The following MRO variants were observed in gnomAD, a reference collection of about 807,000 sequenced individuals.
MRO encodes protein maestro.
MRO carries 28 observed loss-of-function variants against 31.0 expected under a neutral mutation model. That is an observed-to-expected ratio of 0.90 (90% confidence interval 0.67 to 1.24). MRO has a LOEUF of 1.24. Ranked by LOEUF, MRO falls within the 50% of genes most tolerant of loss-of-function variation. MRO has a pLI of 0.00. For missense variants in MRO, 332 were observed against 289.2 expected (o/e 1.15, Z -1.07); for synonymous variants, 108 against 108.4 (o/e 1.00, Z 0.02).
chr18:50,821,942 T>C (rs1350162442), upstream of MRO, among the ~76,000 whole-genome samples: 1 of 152,098 alleles, frequency 6.6e-6, no homozygotes, highest in Non-Finnish European at 1.5e-5. Flanking sequence ...CAGCACAAAC[T>C]TGGGAAGCAT....
Position 50,801,509 on chromosome 18 carries a change from G to A in MRO, c.430-5C>T, listed in dbSNP as rs751586029. On this transcript the variant is annotated splice_polypyrimidine_tract_variant and splice_region_variant and intron_variant, in intron 5 of 7. Transcript: ENST00000398439. ...GTATCTCAGACTGTCGTTCTCCTGC[G>A]GTCCCCATCAACAAAACAATAAGAA... 1.6e-5 allele frequency: 26 copies of A among 1,579,794 alleles called. No homozygotes were observed. The Admixed American group carries it at 1.9e-4, about 11-fold the overall frequency.
chr18:50,814,161 G>C (rs1914697584), intron 2 of MRO, among the ~76,000 whole-genome samples: 3 of 151,982 alleles, frequency 2.0e-5, no homozygotes. Flanking sequence ...GAGACTAAAA[G>C]ACGTAAAACT....
At chr18:50,820,144 G>A, upstream of MRO, 4 of 615,274 alleles carry the variant, frequency 6.5e-6, no homozygotes, top group Non-Finnish European at 1.2e-5. Context: ...CGCCGTGGCT[G>A]CCTCCTTCCT....
chr18:50,798,462 CT>C lies in MRO; in HGVS notation c.*874del, dbSNP rs1199167088. The stretch of plus-strand genomic sequence containing the variant: ...GGATGGCATGATTATTGAGTATGGG[CT>C]CAAGAAGTCAGACCGTACATGTTTG... On this transcript the variant is annotated 3_prime_UTR_variant, in exon 8 of 8. Coordinates refer to ENST00000398439, the MANE Select transcript of MRO (RefSeq NM_031939.6). The C allele has an allele frequency of 6.6e-6, 1 of 152,136 alleles. No homozygotes were observed. Among genetic ancestry groups the C allele is most frequent in the Non-Finnish European group, 1.5e-5 (1 of 68,022 alleles). The allele number at this position is 152,136 out of a possible 1,614,324, so 9.4% of individuals were successfully genotyped here.
intron 2 of MRO, among the ~76,000 whole-genome samples, chr18:50,817,586 A>G (rs1178967176): frequency 6.6e-6 from 1 of 152,176 alleles, no homozygotes; most frequent in Non-Finnish European, 1.5e-5. Flanking sequence ...GGGCCTGAGC[A>G]TTGCACTTTT....
upstream of MRO, among the ~76,000 whole-genome samples, chr18:50,823,001 G>C (rs1360418087): frequency 6.6e-6 from 1 of 152,086 alleles, no homozygotes; most frequent in African/African-American, 2.4e-5. Context: ...ATGAGTCAAA[G>C]GGCAGTCACT....
intron 5 of MRO, among the ~76,000 whole-genome samples, chr18:50,802,909 T>TGTGTGTA (rs1398787219): frequency 8.3e-6 from 1 of 120,652 alleles, no homozygotes; most frequent in South Asian, 2.8e-4. Flanking sequence ...TGTGTATGTG[T>TGTGTGTA]GTGTGTAGTG....
chr18:50,807,563 A>T (rs1914065441), intron 3 of MRO, among the ~76,000 whole-genome samples: 2 of 152,316 alleles, frequency 1.3e-5, no homozygotes, highest in South Asian at 2.1e-4. Flanking sequence ...ACATCTACAA[A>T]CATTTCAGGA....
chr18:50,808,876 G>A (rs567995346), intron 3 of MRO, among the ~76,000 whole-genome samples: 2 of 151,358 alleles, frequency 1.3e-5, no homozygotes, highest in East Asian at 2.0e-4. Context: ...GGTGGCTCAC[G>A]CCTGTAATCC....
Position 50,798,172 on chromosome 18 carries a change from A to G in MRO, c.*1165T>C, listed in dbSNP as rs1912947933. 6.6e-6 allele frequency: 1 copy of G among 152,238 alleles called. No individual in the cohort carries two copies. The highest frequency in any genetic ancestry group is 2.4e-5 in the African/African-American group (1 of 41,454). The allele number at this position is 152,238 out of a possible 1,614,324, so 9.4% of individuals were successfully genotyped here. A position where few individuals can be genotyped will look rare whatever the true frequency, so the allele number is the denominator to read the frequency against. ...ATGCAATCTGGTTAGAGGGAGGGTG[A>G]GAGGGACTTAGAGATTTTTCTTGTA... is the stretch of plus-strand genomic sequence containing the variant. On this transcript the variant is annotated 3_prime_UTR_variant, in exon 8 of 8. Coordinates refer to ENST00000398439, the MANE Select transcript of MRO (RefSeq NM_031939.6).
intron 2 of MRO, among the ~76,000 whole-genome samples, chr18:50,817,996 C>A (rs1445617451): frequency 1.6e-5 from 2 of 124,830 alleles, no homozygotes; most frequent in Non-Finnish European, 3.3e-5. Flanking sequence ...GAACTCCCAC[C>A]CCCCGCCCCA....
At chr18:50,821,558 A>G (rs1209543665), upstream of MRO, among the ~76,000 whole-genome samples, 2 of 152,228 alleles carry the variant, frequency 1.3e-5, no homozygotes, top group East Asian at 1.9e-4. Context: ...GACTGGAGAA[A>G]GGAAGCCCAA....
rs186544117 is a variant in MRO, at chr18:50,812,732, G to T, written c.-4-3328C>A. 2.0e-3 allele frequency among the ~76,000 whole-genome samples: 300 copies of T among 152,266 alleles called. 1 individual carries two copies. The highest frequency in any genetic ancestry group is 3.3e-3 in the Non-Finnish European group (224 of 68,026). On this transcript the variant is annotated intron_variant, in intron 2 of 7. Transcript: ENST00000398439. ...TCAACTGCATTAGAACCATTGACTT[G>T]TATGTGTTTTGTGTTTTATTTTTTT... is the stretch of plus-strand genomic sequence containing the variant.
At position 50,799,175 on chromosome 18, in the gene MRO, T is replaced by C. The variant is rs555897408; in HGVS notation, c.*162A>G. On this transcript the variant is annotated 3_prime_UTR_variant, in exon 8 of 8. Coordinates refer to ENST00000398439, the MANE Select transcript of MRO (RefSeq NM_031939.6). ...TTTTACTTTAGATAAAATCATACAA[T>C]TCCATGTATTATTTTTGCCTTTGAT... The C allele has an allele frequency of 7.7e-5, 47 of 613,012 alleles. No homozygotes were observed. Among genetic ancestry groups the C allele is most frequent in the African/African-American group, 7.2e-4 (39 of 54,122 alleles). The allele number at this position is 613,012 out of a possible 1,614,324, so 38.0% of individuals were successfully genotyped here. A position where few individuals can be genotyped will look rare whatever the true frequency, so the allele number is the denominator to read the frequency against.
intron 6 of MRO, among the ~76,000 whole-genome samples, chr18:50,800,620 C>T (rs1424040302): frequency 6.6e-6 from 1 of 152,178 alleles, no homozygotes; most frequent in African/African-American, 2.4e-5. Flanking sequence ...CAAGATGGCT[C>T]ACGCCTATAA....
At chr18:50,804,365 C>T (rs1913703470) in intron 5 of MRO, among the ~76,000 whole-genome samples, 1 of 152,212 alleles carries the variant, frequency 6.6e-6, no homozygotes, top group African/African-American at 2.4e-5. Context: ...GTGGCTTACA[C>T]CTGTAATCCT....
In MRO at chr18:50,796,041, T is replaced by C. The variant is rs1300227243; in HGVS notation, c.*3296A>G. The C allele has an allele frequency of 6.6e-6, 1 of 152,220 alleles. No homozygotes were observed. Among genetic ancestry groups the C allele is most frequent in the Non-Finnish European group, 1.5e-5 (1 of 68,042 alleles). 9.4% of individuals were successfully genotyped at this position (152,220 alleles called of 1,614,324 possible). A position where few individuals can be genotyped will look rare whatever the true frequency, so the allele number is the denominator to read the frequency against. On this transcript the variant is annotated 3_prime_UTR_variant, in exon 8 of 8. Coordinates refer to ENST00000398439, the MANE Select transcript of MRO (RefSeq NM_031939.6). ...GCACTTAGCATGAGGGTCGGGGCAC[T>C]TGAACATTCCTTTTTTCTTTCTTTC... is the stretch of plus-strand genomic sequence containing the variant.
At chr18:50,816,517 A>AGG (rs1568136710) in intron 2 of MRO, among the ~76,000 whole-genome samples, 1 of 152,008 alleles carries the variant, frequency 6.6e-6, no homozygotes, top group Non-Finnish European at 1.5e-5. Context: ...TGGGTTAACA[A>AGG]ATAAAGAAGA....
intron 4 of MRO, among the ~76,000 whole-genome samples, chr18:50,806,324 G>A (rs1419858447): frequency 6.6e-6 from 1 of 152,166 alleles, no homozygotes; most frequent in East Asian, 1.9e-4. Context: ...AGAGTGGCCT[G>A]TAGGCATCGA....
Sources: allele counts gnomAD v4.1 joint callset (sites outside exome capture counted in the v4.1 genomes callset), GRCh38; gene constraint gnomAD v4.1.1; transcripts MANE v1.5; gene names NCBI Gene and HGNC (gene_info 2026-07-23, HGNC 2026-07-21).